XKR9: variants seen among roughly 807,000 people sequenced by gnomAD.
The protein encoded by XKR9 is XK related 9.
Under a neutral mutation model 32.0 loss-of-function variants are expected in XKR9, and 32 were observed. The ratio of observed to expected loss-of-function variants is 1.00; its 90% CI spans 0.76 to 1.34. The LOEUF (loss-of-function observed/expected upper bound fraction) is 1.34. XKR9 is among the 40% of genes most tolerant of loss of function. The pLI, the probability that XKR9 is intolerant of heterozygous loss-of-function variation, is 0.00. For synonymous variants in XKR9, 168 were observed against 143.4 expected (o/e 1.17, Z -1.22); for missense variants, 546 against 429.7 (o/e 1.27, Z -2.39).
At chr8:70,937,460 C>G in the XKR9 span, among the ~76,000 whole-genome samples, 1 of 151,938 alleles carries the variant, frequency 6.6e-6, no homozygotes, top group Non-Finnish European at 1.5e-5. Flanking sequence ...CCCAATGATT[C>G]TGATAGCCAA....
At chr8:70,999,208 CT>C in the XKR9 span, among the ~76,000 whole-genome samples, 2 of 152,130 alleles carry the variant, frequency 1.3e-5, no homozygotes, top group South Asian at 2.1e-4. Flanking sequence ...GAAAGTTATT[CT>C]TTTTTATTTT....
At chr8:70,786,521 A>G (rs1471839466) in intron 2 of XKR9, among the ~76,000 whole-genome samples, 1 of 152,128 alleles carries the variant, frequency 6.6e-6, no homozygotes, top group Non-Finnish European at 1.5e-5. Flanking sequence ...TTATCATTAC[A>G]TAATGTCCTT....
At chr8:70,813,664 T>C in the XKR9 span, among the ~76,000 whole-genome samples, 1 of 152,208 alleles carries the variant, frequency 6.6e-6, no homozygotes, top group African/African-American at 2.4e-5. Flanking sequence ...AAAGAAGATA[T>C]TTATGCACCC....
At chr8:70,845,278 C>A in the XKR9 span, among the ~76,000 whole-genome samples, 1 of 152,158 alleles carries the variant, frequency 6.6e-6, no homozygotes, top group Non-Finnish European at 1.5e-5. Context: ...GTTAAATCTT[C>A]AGGAAAAAGT....
At chr8:70,752,394 G>C (rs1282410970) in intron 2 of XKR9, among the ~76,000 whole-genome samples, 1 of 152,164 alleles carries the variant, frequency 6.6e-6, no homozygotes, top group Non-Finnish European at 1.5e-5. Context: ...CATCTCGTTG[G>C]CTTCTGGTGA....
At chr8:71,046,323 G>A in the XKR9 span, among the ~76,000 whole-genome samples, 1 of 152,122 alleles carries the variant, frequency 6.6e-6, no homozygotes, top group Non-Finnish European at 1.5e-5. Flanking sequence ...GGTAGCCAAG[G>A]CTCTCAAGGC....
the XKR9 span, among the ~76,000 whole-genome samples, chr8:70,855,388 A>G: frequency 7.9e-5 from 12 of 152,178 alleles, no homozygotes; most frequent in Admixed American, 7.9e-4. Flanking sequence ...GTGATGGAAG[A>G]CGAAATGAAT....
At chr8:70,683,202 C>T (rs1012580279) in intron 3 of XKR9, among the ~76,000 whole-genome samples, 1 of 152,132 alleles carries the variant, frequency 6.6e-6, no homozygotes, top group African/African-American at 2.4e-5. Context: ...TAGTGTGTAA[C>T]GTGCGGTCTT....
At chr8:70,910,229 G>A in the XKR9 span, among the ~76,000 whole-genome samples, 6 of 151,936 alleles carry the variant, frequency 3.9e-5, no homozygotes, top group African/African-American at 1.5e-4. Context: ...CACCTTTCCA[G>A]CTCCAGGCCT....
chr8:70,677,838 A>AC (rs921511933), intron 2 of XKR9, among the ~76,000 whole-genome samples: 1 of 152,184 alleles, frequency 6.6e-6, no homozygotes, highest in African/African-American at 2.4e-5. Flanking sequence ...TTTAGTAAAC[A>AC]CCTAGCAGTA....
At chr8:70,801,464 T>A in the XKR9 span, among the ~76,000 whole-genome samples, 1 of 152,198 alleles carries the variant, frequency 6.6e-6, no homozygotes, top group Non-Finnish European at 1.5e-5. Flanking sequence ...TCCATGTAAT[T>A]TTTTGGTGTT....
At chr8:70,840,160 G>A in the XKR9 span, among the ~76,000 whole-genome samples, 1 of 152,234 alleles carries the variant, frequency 6.6e-6, no homozygotes, top group Admixed American at 6.5e-5. Context: ...GCTAATTGCT[G>A]TACCTCCATG....
chr8:70,851,038 G>A, the XKR9 span, among the ~76,000 whole-genome samples: 6 of 152,126 alleles, frequency 3.9e-5, no homozygotes, highest in East Asian at 1.9e-4. Flanking sequence ...AAACCCCATC[G>A]TCTCAGCCCA....
chr8:70,799,970 C>T, the XKR9 span, among the ~76,000 whole-genome samples: 1 of 152,112 alleles, frequency 6.6e-6, no homozygotes, highest in Admixed American at 6.5e-5. Flanking sequence ...CCAGCTTTTC[C>T]CATTCAATAT....
At chr8:70,773,703 T>A (rs1203878409) in intron 2 of XKR9, among the ~76,000 whole-genome samples, 1 of 152,210 alleles carries the variant, frequency 6.6e-6, no homozygotes, top group Non-Finnish European at 1.5e-5. Context: ...AACACTGATT[T>A]ATTTGCTTCC....
the XKR9 span, among the ~76,000 whole-genome samples, chr8:70,893,164 C>T: frequency 6.6e-6 from 1 of 152,028 alleles, no homozygotes; most frequent in Non-Finnish European, 1.5e-5. Flanking sequence ...TCAAATTATT[C>T]AGCTGTGAGA....
At chr8:70,795,242 G>T (rs1442878210), downstream of XKR9, among the ~76,000 whole-genome samples, 2 of 152,000 alleles carry the variant, frequency 1.3e-5, no homozygotes, top group African/African-American at 4.8e-5. Context: ...TTGGTTTTCT[G>T]TTCCTGTGTT....
chr8:70,677,001 T>C (rs1263591449), intron 2 of XKR9, among the ~76,000 whole-genome samples: 2 of 152,202 alleles, frequency 1.3e-5, no homozygotes, highest in Non-Finnish European at 2.9e-5. Context: ...ATTATCTACA[T>C]TTAAAATCAT....
chr8:70,736,782 A>G (rs369893125), downstream of XKR9, among the ~76,000 whole-genome samples: 4,587 of 119,034 alleles, frequency 0.039, 98 homozygotes, highest in African/African-American at 0.083. Context: ...AGTTGTAGAT[A>G]TGCGGCGTTA....
Sources: gnomAD v4.1 joint callset for allele counts (sites outside exome capture counted in the v4.1 genomes callset) on GRCh38, gnomAD v4.1.1 for gene constraint, MANE v1.5 for transcripts, NCBI Gene and HGNC (gene_info 2026-07-23, HGNC 2026-07-21) for gene names.